Variants in HERC3 observed in about 807,000 individuals in gnomAD.
The protein encoded by HERC3 is HECT and RLD domain containing E3 ubiquitin protein ligase 3, also known as probable E3 ubiquitin-protein ligase HERC3.
In HERC3, 58 loss-of-function variants were observed where a neutral mutation model predicts 129.9. The observed-to-expected ratio is 0.45, with a 90% CI of 0.36 to 0.56. The LOEUF is 0.56. Ranked by LOEUF, HERC3 falls within the 20% of genes least tolerant of loss-of-function variation. The pLI is 0.00. For missense variants in HERC3, 835 were observed against 1,244.2 expected (o/e 0.67, Z 4.95); for synonymous variants, 430 against 451.0 (o/e 0.95, Z 0.59).
chr4:88,659,995 A>T (rs59734189), intron 10 of HERC3, among the ~76,000 whole-genome samples: 2,224 of 152,292 alleles, frequency 0.015, 54 homozygotes, highest in African/African-American at 0.051. Context: ...ATAGGTATGC[A>T]TGAAAAGTGT....
Position 88,622,636 on chromosome 4 carries a change from T to C in HERC3, c.226+16587T>C, listed in dbSNP as rs566083100. On this transcript the variant is annotated intron_variant, in intron 3 of 25. Coordinates refer to ENST00000402738, the MANE Select transcript of HERC3 (RefSeq NM_014606.3). Reference sequence around the variant, plus strand: ...GAGGGCCCGAGAGATCTTTTTAAAATGTAGATCTGTTTGGCCGGGTGTGGT... The same window carrying C: ...GAGGGCCCGAGAGATCTTTTTAAAACGTAGATCTGTTTGGCCGGGTGTGGT... 1.5e-3 allele frequency among the ~76,000 whole-genome samples: 228 copies of C among 152,256 alleles called. 1 individual carries two copies. The highest frequency in any genetic ancestry group is 1.7e-3 in the Non-Finnish European group (117 of 68,000).
upstream of HERC3, among the ~76,000 whole-genome samples, chr4:88,587,579 T>C (rs969357082): frequency 2.0e-5 from 3 of 152,240 alleles, no homozygotes; most frequent in Admixed American, 6.5e-5. Context: ...CTGTCTAATA[T>C]TGTTATAGGT....
chr4:88,690,425 T>G (rs1733958428), intron 23 of HERC3: 1 of 985,158 alleles, frequency 1.0e-6, no homozygotes, highest in Non-Finnish European at 1.2e-6. Context: ...TACGTAACCT[T>G]TAGTCTTTCA....
At chr4:88,548,995 T>C in the HERC3 span, among the ~76,000 whole-genome samples, 70 of 152,268 alleles carry the variant, frequency 4.6e-4, no homozygotes, top group African/African-American at 1.6e-3. Flanking sequence ...TCCTTTGCAG[T>C]ACAGTTTTTC....
chr4:88,679,991 G>A, intron 19 of HERC3, 102 bp from the exon 20 acceptor site: 1 of 999,708 alleles, frequency 1.0e-6, no homozygotes, highest in Non-Finnish European at 1.4e-6. Context: ...TCTTTGTTAT[G>A]CTTTCCTTCC....
chr4:88,606,367 T>C (rs1723635289), intron 3 of HERC3, among the ~76,000 whole-genome samples: 3 of 151,886 alleles, frequency 2.0e-5, no homozygotes, highest in African/African-American at 4.8e-5. Flanking sequence ...TTTTCATGCC[T>C]CAGCCACCTG....
chr4:88,544,055 C>T, the HERC3 span, among the ~76,000 whole-genome samples: 1 of 152,096 alleles, frequency 6.6e-6, no homozygotes, highest in Non-Finnish European at 1.5e-5. Flanking sequence ...GCAACAGAAG[C>T]CAAAATAGAC....
At chr4:88,612,794 C>T (rs114658173) in intron 3 of HERC3, among the ~76,000 whole-genome samples, 2,246 of 152,102 alleles carry the variant, frequency 0.015, 60 homozygotes, top group African/African-American at 0.051. Context: ...TGTGTGCCTT[C>T]CCCACTTTTT....
At chr4:88,672,882 C>CAT (rs1351033380) in intron 16 of HERC3, among the ~76,000 whole-genome samples, 1 of 126,108 alleles carries the variant, frequency 7.9e-6, no homozygotes, top group Non-Finnish European at 1.6e-5. Context: ...GCCTGCTAGT[C>CAT]ACAGTGGAAA....
At chr4:88,671,497 A>T (rs1731608066) in intron 16 of HERC3, among the ~76,000 whole-genome samples, 1 of 152,182 alleles carries the variant, frequency 6.6e-6, no homozygotes, top group Admixed American at 6.5e-5. Flanking sequence ...TTATTTTTAA[A>T]TAAGATTTTA....
the HERC3 span, among the ~76,000 whole-genome samples, chr4:88,534,935 G>T: frequency 2.6e-5 from 4 of 152,184 alleles, no homozygotes; most frequent in African/African-American, 9.7e-5. Context: ...TTCAGATGAA[G>T]AAGATGGGGA....
intron 23 of HERC3, among the ~76,000 whole-genome samples, chr4:88,698,083 C>A: frequency 6.6e-6 from 1 of 152,254 alleles, no homozygotes; most frequent in Middle Eastern, 3.4e-3. Flanking sequence ...TCAGTAGCTG[C>A]CCGAGGTGCT....
At chr4:88,641,783 A>G (rs180769328) in intron 3 of HERC3, among the ~76,000 whole-genome samples, 13 of 152,304 alleles carry the variant, frequency 8.5e-5, no homozygotes, top group Non-Finnish European at 1.9e-4. Flanking sequence ...TAGGTTATCT[A>G]TAACTATAAA....
chr4:88,692,970 A>C, intron 23 of HERC3: 1 of 983,368 alleles, frequency 1.0e-6, no homozygotes, highest in Non-Finnish European at 1.2e-6. Flanking sequence ...TTCAAAAAGC[A>C]AAATTGTAAT....
chr4:88,705,258 C>T (rs1735682775), intron 25 of HERC3, among the ~76,000 whole-genome samples: 1 of 152,184 alleles, frequency 6.6e-6, no homozygotes, highest in Admixed American at 6.5e-5. Context: ...GGATTAACCT[C>T]TCTTATCTCT....
intron 2 of HERC3, among the ~76,000 whole-genome samples, chr4:88,601,668 TC>T (rs1342942214): frequency 6.6e-6 from 1 of 152,190 alleles, no homozygotes; most frequent in East Asian, 1.9e-4. Context: ...AAGTCTGCAA[TC>T]TTGTCTTGAA....
chr4:88,696,746 T>C (rs1286815574), intron 23 of HERC3: 3 of 155,442 alleles, frequency 1.9e-5, no homozygotes, highest in African/African-American at 7.2e-5. Context: ...AGATGACGTT[T>C]TTCTTGGGTT....
At chr4:88,705,457 C>T (rs2149352920) in intron 25 of HERC3, among the ~76,000 whole-genome samples, 1 of 152,320 alleles carries the variant, frequency 6.6e-6, no homozygotes, top group Middle Eastern at 3.4e-3. Context: ...AAACCCCATA[C>T]CTATTAGCAG....
At chr4:88,610,206 G>A (rs577746630) in intron 3 of HERC3, among the ~76,000 whole-genome samples, 12 of 152,232 alleles carry the variant, frequency 7.9e-5, no homozygotes, top group Admixed American at 6.5e-4. Flanking sequence ...TGTAATCCCC[G>A]CACATTGGGA....
Sources: gnomAD v4.1 joint callset for allele counts (sites outside exome capture counted in the v4.1 genomes callset) on GRCh38, gnomAD v4.1.1 for gene constraint, MANE v1.5 for transcripts, NCBI Gene and HGNC (gene_info 2026-07-23, HGNC 2026-07-21) for gene names.